Variants in ZNF407 observed in about 807,000 individuals in gnomAD.
ZNF407 encodes the protein zinc finger protein 407.
A neutral mutation model predicts 131.2 loss-of-function variants in ZNF407; 17 were observed. The observed-to-expected ratio is 0.13, with a 90% CI of 0.09 to 0.19. The LOEUF (loss-of-function observed/expected upper bound fraction) is 0.19. Ranked by LOEUF, ZNF407 falls within the 10% of genes least tolerant of loss-of-function variation. The probability of loss-of-function intolerance (pLI) is 1.00; values close to 1 mark genes in which losing one functional copy is unlikely to be tolerated. For synonymous variants in ZNF407, 1,156 were observed against 1,062.0 expected (o/e 1.09, Z -1.72); for missense variants, 2,681 against 2,830.6 (o/e 0.95, Z 1.20).
At chr18:74,820,718 T>C (rs1970328605) in intron 4 of ZNF407, among the ~76,000 whole-genome samples, 1 of 152,216 alleles carries the variant, frequency 6.6e-6, no homozygotes. Flanking sequence ...CAAGTGCATC[T>C]GATCTCAGAG....
At chr18:74,847,890 A>C (rs942394802) in intron 4 of ZNF407, among the ~76,000 whole-genome samples, 9 of 150,718 alleles carry the variant, frequency 6.0e-5, no homozygotes, top group Non-Finnish European at 1.2e-4. Flanking sequence ...CAGTGTTTTC[A>C]TCCTTCTCTC....
chr18:75,004,513 C>T (rs979490460), intron 8 of ZNF407, among the ~76,000 whole-genome samples: 1 of 152,088 alleles, frequency 6.6e-6, no homozygotes, highest in Non-Finnish European at 1.5e-5. Flanking sequence ...GGGAATAAAA[C>T]GAGAGCGGCA....
At chr18:74,869,634 T>G (rs1971059912) in intron 4 of ZNF407, among the ~76,000 whole-genome samples, 1 of 152,060 alleles carries the variant, frequency 6.6e-6, no homozygotes, top group South Asian at 2.1e-4. Flanking sequence ...ATAGATGGGG[T>G]TTTTTTAGGG....
chr18:75,042,929 T>G (rs373577796), intron 8 of ZNF407, among the ~76,000 whole-genome samples: 1 of 152,214 alleles, frequency 6.6e-6, no homozygotes. Context: ...TGTACCAGTA[T>G]GTTTGCCTGT....
intron 4 of ZNF407, among the ~76,000 whole-genome samples, chr18:74,844,923 T>C (rs1245294989): frequency 2.6e-5 from 4 of 152,158 alleles, no homozygotes; most frequent in Admixed American, 1.3e-4. Context: ...TAAGGGCACA[T>C]AGGCATCCAA....
intron 4 of ZNF407, among the ~76,000 whole-genome samples, chr18:74,824,001 TAACA>T (rs1420518277): frequency 6.6e-5 from 10 of 152,150 alleles, no homozygotes; most frequent in African/African-American, 2.4e-4. Context: ...ACAGAAATCA[TAACA>T]AACAGTCTCT....
chr18:74,804,219 G>T, intron 4 of ZNF407: 6 of 1,273,572 alleles, frequency 4.7e-6, no homozygotes, highest in South Asian at 3.1e-5. Context: ...CACAAATGTA[G>T]GCTAGTCTAG....
chr18:75,004,656 C>T (rs923972274), intron 8 of ZNF407, among the ~76,000 whole-genome samples: 6 of 152,178 alleles, frequency 3.9e-5, no homozygotes, highest in African/African-American at 1.2e-4. Context: ...GGCTGTTTTC[C>T]GGATTTTCCA....
chr18:74,837,634 G>A (rs1970576634), intron 4 of ZNF407, among the ~76,000 whole-genome samples: 1 of 151,542 alleles, frequency 6.6e-6, no homozygotes, highest in African/African-American at 2.4e-5. Context: ...CTTTTATGGA[G>A]TTTTAATTTT....
At chr18:75,025,688 A>G (rs1245776563) in intron 8 of ZNF407, among the ~76,000 whole-genome samples, 1 of 152,222 alleles carries the variant, frequency 6.6e-6, no homozygotes, top group Non-Finnish European at 1.5e-5. Flanking sequence ...TGGGGGAACA[A>G]AGAGCTGCTT....
At chr18:74,720,781 A>G (rs556354069) in intron 3 of ZNF407, among the ~76,000 whole-genome samples, 108 of 152,198 alleles carry the variant, frequency 7.1e-4, no homozygotes, top group Middle Eastern at 6.8e-3. Context: ...TTGTCAAAAA[A>G]ATCAACTCTG....
Position 74,634,044 on chromosome 18 carries a change from A to G in ZNF407, c.3025A>G (p.Arg1009Gly). ...FAQPGDVYSQ[R>G]DVTGTGENKC... ...CCAGCCGGGGGATGTGTACTCCCAG[A>G]GAGATGTTACAGGCACAGGTGAGAA... Residue 1009 changes from arginine (R) to glycine (G), a missense_variant, in exon 2 of 9, where the codon AGA becomes GGA. Around this residue, in one of 6 missense-constraint regions of ZNF407, gnomAD observed 1,789 missense variants for 1,748.7 expected, o/e 1.02. Transcript: ENST00000299687. 1.9e-6 allele frequency: 3 copies of G among 1,614,040 alleles called. No individual in the cohort carries two copies. Among genetic ancestry groups the G allele is most frequent in the Admixed American group, 3.3e-5 (2 of 60,032 alleles).
intron 1 of ZNF407, among the ~76,000 whole-genome samples, chr18:74,612,812 G>C (rs1983122323): frequency 6.6e-6 from 1 of 152,178 alleles, no homozygotes; most frequent in Non-Finnish European, 1.5e-5. Flanking sequence ...GCACAGAAGG[G>C]AGTCTGACTG....
chr18:74,819,114 C>G (rs1170616755), intron 4 of ZNF407, among the ~76,000 whole-genome samples: 1 of 152,056 alleles, frequency 6.6e-6, no homozygotes, highest in Non-Finnish European at 1.5e-5. Flanking sequence ...ATTCAGAATT[C>G]TGAGCCTCTG....
At chr18:74,778,516 C>T (rs998932350) in intron 3 of ZNF407, among the ~76,000 whole-genome samples, 1 of 152,058 alleles carries the variant, frequency 6.6e-6, no homozygotes, top group African/African-American at 2.4e-5. Context: ...GTCTGTGTCT[C>T]TCACTAGGTT....
chr18:74,704,375 A>G (rs1967574321), intron 3 of ZNF407, among the ~76,000 whole-genome samples: 1 of 152,190 alleles, frequency 6.6e-6, no homozygotes, highest in African/African-American at 2.4e-5. Flanking sequence ...GTTAAACAGG[A>G]TATAATGAAA....
At chr18:74,997,318 A>G (rs1456803920) in intron 8 of ZNF407, among the ~76,000 whole-genome samples, 1 of 152,176 alleles carries the variant, frequency 6.6e-6, no homozygotes, top group Non-Finnish European at 1.5e-5. Flanking sequence ...GATCAGGTTC[A>G]GTCCTTGTAA....
chr18:74,878,605 A>AC (rs750574520), intron 5 of ZNF407, among the ~76,000 whole-genome samples: 4 of 152,148 alleles, frequency 2.6e-5, no homozygotes, highest in Admixed American at 1.3e-4. Context: ...TGTAGTCTGC[A>AC]CCATAATGAG....
intron 7 of ZNF407, among the ~76,000 whole-genome samples, chr18:74,897,781 A>C (rs1359491786): frequency 6.6e-6 from 1 of 152,208 alleles, no homozygotes. Context: ...AAAACTCTCT[A>C]ATCTCCAGGA....
Sources: gnomAD v4.1 joint callset for allele counts (sites outside exome capture counted in the v4.1 genomes callset) on GRCh38, gnomAD v4.1.1 for gene constraint, gnomAD v4.1.1 regional missense constraint, MANE v1.5 for transcripts, NCBI Gene and HGNC (gene_info 2026-07-23, HGNC 2026-07-21) for gene names.